Variants in TMEM132C observed in about 807,000 individuals in gnomAD.
TMEM132C encodes protein phosphatase 1, regulatory subunit 152.
Under a neutral mutation model 61.4 loss-of-function variants are expected in TMEM132C, and 29 were observed. The ratio of observed to expected loss-of-function variants is 0.47; its 90% CI spans 0.35 to 0.64. TMEM132C has a LOEUF of 0.64. TMEM132C is among the 30% of genes least tolerant of loss of function. The pLI, the probability that TMEM132C is intolerant of heterozygous loss-of-function variation, is 0.00. For missense variants in TMEM132C, 1,408 were observed against 1,476.9 expected, an observed-to-expected ratio of 0.95 and a Z score of 0.76; for synonymous variants, 656 against 633.1, an observed-to-expected ratio of 1.04 and a Z score of -0.54.
intron 4 of TMEM132C, among the ~76,000 whole-genome samples, chr12:128,656,303 G>C (rs887231677): frequency 2.0e-5 from 3 of 152,122 alleles, no homozygotes; most frequent in Admixed American, 6.5e-5. Flanking sequence ...TGTCCACCTC[G>C]GCCTCCCAAA....
chr12:128,416,666 TTTTG>T (rs1868790480), intron 2 of TMEM132C, among the ~76,000 whole-genome samples: 1 of 152,220 alleles, frequency 6.6e-6, no homozygotes, highest in Non-Finnish European at 1.5e-5. Flanking sequence ...TTTTAAAGTT[TTTTG>T]TTTTTTCATT....
chr12:128,462,251 G>A (rs1179447152), intron 2 of TMEM132C, among the ~76,000 whole-genome samples: 5 of 152,088 alleles, frequency 3.3e-5, no homozygotes, highest in African/African-American at 1.2e-4. Context: ...GATTGCAAGT[G>A]CCAGCCACCA....
intron 4 of TMEM132C, among the ~76,000 whole-genome samples, chr12:128,620,289 C>T (rs978142067): frequency 4.7e-5 from 7 of 150,016 alleles, no homozygotes; most frequent in Admixed American, 1.3e-4. Context: ...TTCAACCTCA[C>T]ACTAAGCTCT....
chr12:128,520,485 T>C (rs1872866397), intron 2 of TMEM132C, among the ~76,000 whole-genome samples: 1 of 152,214 alleles, frequency 6.6e-6, no homozygotes, highest in Non-Finnish European at 1.5e-5. Context: ...ACAGATGTAA[T>C]GGCAGTCACT....
At chr12:128,540,245 TTC>T (rs1873687259) in intron 2 of TMEM132C, among the ~76,000 whole-genome samples, 3 of 152,138 alleles carry the variant, frequency 2.0e-5, no homozygotes, top group Admixed American at 6.6e-5. Flanking sequence ...ATGCGAATGA[TTC>T]TCTGTTTTTG....
chr12:128,602,993 C>T (rs1173141038), intron 3 of TMEM132C, among the ~76,000 whole-genome samples: 1 of 152,200 alleles, frequency 6.6e-6, no homozygotes, highest in African/African-American at 2.4e-5. Flanking sequence ...TTTGATATTT[C>T]TCACTATAAG....
At chr12:128,274,206 T>A (rs918004047) in intron 1 of TMEM132C, among the ~76,000 whole-genome samples, 1 of 152,228 alleles carries the variant, frequency 6.6e-6, no homozygotes, top group Non-Finnish European at 1.5e-5. Context: ...GCATTTTTTC[T>A]TCCTGATTAA....
chr12:128,414,035 G>C (rs1385581738), intron 1 of TMEM132C, among the ~76,000 whole-genome samples: 3 of 152,130 alleles, frequency 2.0e-5, no homozygotes, highest in Non-Finnish European at 4.4e-5. Flanking sequence ...ACGGTGTGGA[G>C]TGTGGATCTA....
intron 1 of TMEM132C, among the ~76,000 whole-genome samples, chr12:128,399,795 G>A (rs1250331471): frequency 6.6e-6 from 1 of 151,692 alleles, no homozygotes; most frequent in African/African-American, 2.4e-5. Flanking sequence ...TTTTATGTTT[G>A]TATGTCTTTA....
At chr12:128,571,243 T>A (rs1197334765) in intron 3 of TMEM132C, among the ~76,000 whole-genome samples, 1 of 152,236 alleles carries the variant, frequency 6.6e-6, no homozygotes, top group Non-Finnish European at 1.5e-5. Flanking sequence ...ATTGCCTGCC[T>A]TCTACCCTTT....
rs561604058 is a variant in TMEM132C, at chr12:128,400,725, C to T, written c.86-14007C>T. Among the ~76,000 whole-genome samples, 136 of 151,982 alleles carry T rather than the reference C, an allele frequency of 8.9e-4. 2 individuals are homozygous for T. Among genetic ancestry groups the T allele is most frequent in the African/African-American group, 3.0e-3 (126 of 41,446 alleles). ...CCGGGTTCAAGCGATTCTCTTTACT[C>T]AGCCTCCTGAGTAGCTGGGCTTACA... is the stretch of plus-strand genomic sequence containing the variant. On this transcript the variant is annotated intron_variant, in intron 1 of 8. Coordinates refer to ENST00000435159, the MANE Select transcript of TMEM132C (RefSeq NM_001136103.3).
chr12:128,439,517 G>A (rs181327529), intron 2 of TMEM132C, among the ~76,000 whole-genome samples: 9 of 152,190 alleles, frequency 5.9e-5, no homozygotes, highest in African/African-American at 1.4e-4. Context: ...ATTGCCTAGT[G>A]TTTGACAGTG....
intron 2 of TMEM132C, among the ~76,000 whole-genome samples, chr12:128,418,895 T>A (rs974633094): frequency 3.9e-5 from 6 of 152,172 alleles, no homozygotes; most frequent in Admixed American, 3.9e-4. Context: ...TTCTCCTGTA[T>A]TTTTTTATTT....
At chr12:128,663,703 A>G (rs1370049531) in intron 4 of TMEM132C, among the ~76,000 whole-genome samples, 1 of 133,668 alleles carries the variant, frequency 7.5e-6, no homozygotes, top group African/African-American at 3.7e-5. Flanking sequence ...GCCTGCATGT[A>G]TGCGTGTGTG....
intron 5 of TMEM132C, among the ~76,000 whole-genome samples, chr12:128,693,358 A>C (rs1363414047): frequency 6.6e-6 from 1 of 152,250 alleles, no homozygotes; most frequent in Non-Finnish European, 1.5e-5. Flanking sequence ...CAGCCCACCC[A>C]GATTTCAGCT....
chr12:128,593,122 CCTCT>C (rs1011287968), intron 3 of TMEM132C, among the ~76,000 whole-genome samples: 1 of 150,762 alleles, frequency 6.6e-6, no homozygotes, highest in Non-Finnish European at 1.5e-5. Context: ...ATCTTCCTTT[CCTCT>C]CTCTCTCCAC....
rs35212839 is a variant in TMEM132C at position 128,686,053 on chromosome 12, A to ATGTG, written c.1450-7767_1450-7764dup. On this transcript the variant is annotated intron_variant, in intron 5 of 8. Transcript: ENST00000435159. ...TGTGTGTGTATTCGCGCGTGTGTGC[A>ATGTG]TGTGTGTGTGTGCATGCGTGTGTGC... 2.9e-3 allele frequency among the ~76,000 whole-genome samples: 414 copies of ATGTG among 143,252 alleles called. 4 individuals carry two copies. The highest frequency in any genetic ancestry group is 0.011 in the African/African-American group (387 of 34,036). 94.0% of individuals were successfully genotyped at this position (143,252 alleles called of 152,430 possible).
chr12:128,638,728 A>G (rs1954121246), intron 4 of TMEM132C, among the ~76,000 whole-genome samples: 1 of 152,204 alleles, frequency 6.6e-6, no homozygotes, highest in Admixed American at 6.5e-5. Context: ...GGTGGAGAAG[A>G]GGAGGAGAAT....
At chr12:128,363,846 A>G (rs1298426004) in intron 1 of TMEM132C, among the ~76,000 whole-genome samples, 2 of 49,920 alleles carry the variant, frequency 4.0e-5, no homozygotes, top group Non-Finnish European at 4.2e-5. Flanking sequence ...CTCTGTCTCG[A>G]AAAAAAAAAA....
Sources: gnomAD v4.1 joint callset for allele counts (sites outside exome capture counted in the v4.1 genomes callset) on GRCh38, gnomAD v4.1.1 for gene constraint, MANE v1.5 for transcripts, NCBI Gene and HGNC (gene_info 2026-07-23, HGNC 2026-07-21) for gene names.